GREM2: variants seen among roughly 807,000 people sequenced by gnomAD.
GREM2 encodes gremlin 2, DAN family BMP antagonist.
A neutral mutation model predicts 14.2 loss-of-function variants in GREM2; 11 were observed. The observed-to-expected ratio is 0.78, with a 90% CI of 0.49 to 1.28. The LOEUF (loss-of-function observed/expected upper bound fraction) is 1.28, where lower values mean the gene tolerates loss of function less well. Among genes scored for constraint, GREM2 ranks in the 50% most tolerant of loss-of-function variants. The probability of loss-of-function intolerance (pLI) is 0.00; values close to 1 mark genes in which losing one functional copy is unlikely to be tolerated. For synonymous variants in GREM2, 98 were observed against 97.6 expected (o/e 1.00, Z -0.02); for missense variants, 210 against 218.5 (o/e 0.96, Z 0.24).
intron 1 of GREM2, among the ~76,000 whole-genome samples, chr1:240,553,836 T>C (rs1572396095): frequency 6.6e-6 from 1 of 152,296 alleles, no homozygotes; most frequent in South Asian, 2.1e-4. Flanking sequence ...ACACTTCTTA[T>C]GGAGAATGAG....
chr1:240,595,638 A>G (rs903980860), intron 1 of GREM2, among the ~76,000 whole-genome samples: 5 of 152,176 alleles, frequency 3.3e-5, no homozygotes, highest in African/African-American at 4.8e-5. Flanking sequence ...CCTGGAAGCC[A>G]TCTGGAGGCG....
At chr1:240,494,988 A>G (rs184884608) in intron 1 of GREM2, among the ~76,000 whole-genome samples, 2 of 152,354 alleles carry the variant, frequency 1.3e-5, no homozygotes, top group Admixed American at 6.5e-5. Flanking sequence ...TCTCATTTGT[A>G]TTAGGAGACT....
chr1:240,530,807 TC>T (rs1678338689), intron 1 of GREM2: 1 of 152,214 alleles, frequency 6.6e-6, no homozygotes, highest in Non-Finnish European at 1.5e-5. Flanking sequence ...TTTCCTTGAA[TC>T]TAAAGGACAA....
chr1:240,500,764 G>GT (rs943826073), intron 1 of GREM2, among the ~76,000 whole-genome samples: 1 of 152,162 alleles, frequency 6.6e-6, no homozygotes, highest in Non-Finnish European at 1.5e-5. Context: ...TGGAGGAACA[G>GT]TTTTTTTGCT....
intron 1 of GREM2, among the ~76,000 whole-genome samples, chr1:240,495,926 G>GT (rs1009435118): frequency 6.3e-4 from 79 of 125,220 alleles, no homozygotes; most frequent in African/African-American, 1.9e-3. Context: ...TAAGGCAAAG[G>GT]TTTTTTTTGT....
At chr1:240,547,517 ATATATAT>A (rs1678763275) in intron 1 of GREM2, among the ~76,000 whole-genome samples, 3 of 41,812 alleles carry the variant, frequency 7.2e-5, no homozygotes, top group African/African-American at 1.9e-4. Context: ...AAAAAAAAAT[ATATATAT>A]ATATATATAT....
chr1:240,566,072 G>A (rs1452766260), intron 1 of GREM2, among the ~76,000 whole-genome samples: 1 of 151,886 alleles, frequency 6.6e-6, no homozygotes, highest in Non-Finnish European at 1.5e-5. Context: ...GAAACCAGGG[G>A]TCTTTATTTC....
intron 1 of GREM2, among the ~76,000 whole-genome samples, chr1:240,536,071 C>T (rs1368802576): frequency 8.6e-5 from 2 of 23,190 alleles, no homozygotes; most frequent in African/African-American, 3.0e-4. Flanking sequence ...GAGCTGAAGA[C>T]TGGTAAGACA....
chr1:240,512,803 A>G lies in GREM2; in HGVS notation c.-1-19327T>C, dbSNP rs935067443. Among the ~76,000 whole-genome samples the G allele has an allele frequency of 1.1e-4, 16 of 152,308 alleles. No individual in the cohort carries two copies. In the East Asian group the frequency reaches 2.1e-3, roughly 20 times the overall value. ...GTTATACATTTAAGTTATTAAAGTT[A>G]TGGCCCTGATAGTAGTAGAAATTTA... is the stretch of plus-strand genomic sequence containing the variant. On this transcript the variant is annotated intron_variant, in intron 1 of 1. Transcript: ENST00000318160.
At chr1:240,507,873 G>A (rs1236792941) in intron 1 of GREM2, among the ~76,000 whole-genome samples, 1 of 152,190 alleles carries the variant, frequency 6.6e-6, no homozygotes, top group African/African-American at 2.4e-5. Context: ...GCTTTAAAAT[G>A]TTGCTGATAA....
At chr1:240,495,982 G>A (rs186935237) in intron 1 of GREM2, among the ~76,000 whole-genome samples, 275 of 151,840 alleles carry the variant, frequency 1.8e-3, no homozygotes, top group Middle Eastern at 6.8e-3. Flanking sequence ...CTGTCACCAG[G>A]CTGGAATGCA....
intron 1 of GREM2, among the ~76,000 whole-genome samples, chr1:240,523,036 G>A (rs1031529563): frequency 2.6e-5 from 4 of 152,176 alleles, no homozygotes; most frequent in Non-Finnish European, 4.4e-5. Flanking sequence ...TTACAAAATG[G>A]AAGGCAATGA....
chr1:240,539,856 G>A lies in GREM2; in HGVS notation c.-1-46380C>T, dbSNP rs150279743. On this transcript the variant is annotated intron_variant, in intron 1 of 1. Coordinates refer to ENST00000318160, the MANE Select transcript of GREM2 (RefSeq NM_022469.4). ...TGCTTCACACTGACAGCAACACTTTGCTTGCCCACATCTGAGACCTTGTGG... is the reference window on the plus strand; with the variant it reads ...TGCTTCACACTGACAGCAACACTTTACTTGCCCACATCTGAGACCTTGTGG... Among the ~76,000 whole-genome samples, 12 of 152,290 alleles carry A rather than the reference G, an allele frequency of 7.9e-5. No homozygotes were observed. The East Asian group carries it at 2.3e-3, about 29-fold the overall frequency.
At position 240,563,005 on chromosome 1, in the gene GREM2, TGA is replaced by T. The variant is rs560061239; in HGVS notation, c.-2+48877_-2+48878del. Among the ~76,000 whole-genome samples, 36 of 150,486 alleles carry T rather than the reference TGA, an allele frequency of 2.4e-4. No individual in the cohort carries two copies. In the East Asian group the frequency reaches 6.6e-3, roughly 27 times the overall value. On this transcript the variant is annotated intron_variant, in intron 1 of 1. Coordinates refer to ENST00000318160, the MANE Select transcript of GREM2 (RefSeq NM_022469.4). ...ATGTAAGTGTGTATGTGTGTATATG[TGA>T]GTGTATGTGTGTATGTGTGTATATG... is the stretch of plus-strand genomic sequence containing the variant.
At chr1:240,535,587 G>A (rs1044078672) in intron 1 of GREM2, among the ~76,000 whole-genome samples, 1 of 152,080 alleles carries the variant, frequency 6.6e-6, no homozygotes, top group Non-Finnish European at 1.5e-5. Context: ...ATCACTTGAG[G>A]TCAGGAGTTT....
At position 240,519,994 on chromosome 1, in the gene GREM2, C is replaced by T. The variant is rs565745275; in HGVS notation, c.-1-26518G>A. ...ACTCAGGAGGCTGAGGCATGAGAAC[C>T]GCTTGAACCCGAGAGACGGAGGTTG... On this transcript the variant is annotated intron_variant, in intron 1 of 1. Coordinates refer to ENST00000318160, the MANE Select transcript of GREM2 (RefSeq NM_022469.4). 3.5e-4 allele frequency among the ~76,000 whole-genome samples: 54 copies of T among 152,118 alleles called. 1 individual carries two copies. In the Middle Eastern group the frequency reaches 0.01, roughly 29 times the overall value.
In GREM2 at chr1:240,553,275, T is replaced by C. The variant is rs12076418; in HGVS notation, c.-2+58609A>G. ...CATTCTATTGCTTACAAGGGGAAGC[T>C]AGTCTGAGTGTGGAAAGCTAAGCTA... On this transcript the variant is annotated intron_variant, in intron 1 of 1. Transcript: ENST00000318160. Among the ~76,000 whole-genome samples the C allele has an allele frequency of 9.0e-3, 1,376 of 152,338 alleles. 35 individuals are homozygous for C. Among genetic ancestry groups the C allele is most frequent in the East Asian group, 0.079 (408 of 5,178 alleles).
rs554233078 is a variant in GREM2 at position 240,545,339 on chromosome 1, G to T, written c.-1-51863C>A. On this transcript the variant is annotated intron_variant, in intron 1 of 1. Transcript: ENST00000318160. Reference sequence around the variant, plus strand: ...TCCTGGAGATTGGTGCCCAGGGAGGGCATGGAAGCTCCACGCCTCTTCGTG... The same window carrying T: ...TCCTGGAGATTGGTGCCCAGGGAGGTCATGGAAGCTCCACGCCTCTTCGTG... Among the ~76,000 whole-genome samples, 56 of 152,366 alleles carry T rather than the reference G, an allele frequency of 3.7e-4. 1 individual carries two copies. Among genetic ancestry groups the T allele is most frequent in the African/African-American group, 1.3e-3 (55 of 41,594 alleles).
intron 1 of GREM2, among the ~76,000 whole-genome samples, chr1:240,508,546 A>T (rs904879885): frequency 6.6e-6 from 1 of 152,222 alleles, no homozygotes; most frequent in Non-Finnish European, 1.5e-5. Context: ...AAGGACTTCT[A>T]CTGAACTTTT....
Sources: gnomAD v4.1 joint callset for allele counts (sites outside exome capture counted in the v4.1 genomes callset) on GRCh38, gnomAD v4.1.1 for gene constraint, MANE v1.5 for transcripts, NCBI Gene and HGNC (gene_info 2026-07-23, HGNC 2026-07-21) for gene names.